The following MRPL3 variants were observed in gnomAD, a reference collection of about 807,000 sequenced individuals.
The protein encoded by MRPL3 is mitochondrial ribosomal protein L3.
In MRPL3, 43 loss-of-function variants were observed where a neutral mutation model predicts 44.3. That is an observed-to-expected ratio of 0.97 (90% confidence interval 0.76 to 1.25). MRPL3 has a LOEUF of 1.25. MRPL3 is among the 50% of genes most tolerant of loss of function. The probability of loss-of-function intolerance (pLI) is 0.00; values close to 1 mark genes in which losing one functional copy is unlikely to be tolerated. For missense variants in MRPL3, 406 were observed against 427.6 expected (o/e 0.95, Z 0.45); for synonymous variants, 171 against 152.3 (o/e 1.12, Z -0.91).
intron 6 of MRPL3, among the ~76,000 whole-genome samples, chr3:131,484,716 A>T (rs1014115204): frequency 6.6e-6 from 1 of 152,232 alleles, no homozygotes; most frequent in African/African-American, 2.4e-5. Flanking sequence ...CAGGAAATTC[A>T]AAACAGTTCC....
intron 6 of MRPL3, among the ~76,000 whole-genome samples, chr3:131,486,788 A>G (rs572121264): frequency 6.8e-4 from 103 of 152,354 alleles, no homozygotes; most frequent in African/African-American, 2.3e-3. Flanking sequence ...AATGGCAATC[A>G]TTAAAAAGGA....
At chr3:131,471,359 G>A (rs1933739984) in intron 6 of MRPL3, 80 bp from the exon 7 acceptor site, 13 of 916,434 alleles carry the variant, frequency 1.4e-5, no homozygotes, top group South Asian at 9.9e-5. Context: ...AGTACCAACT[G>A]TACACATTCT....
intron 4 of MRPL3, among the ~76,000 whole-genome samples, chr3:131,497,466 A>G (rs559660256): frequency 1.3e-5 from 2 of 152,162 alleles, no homozygotes; most frequent in South Asian, 4.1e-4. Flanking sequence ...CATTTCATAA[A>G]CAGTTTACAA....
intron 4 of MRPL3, among the ~76,000 whole-genome samples, chr3:131,492,230 TTTA>T (rs1934273415): frequency 6.6e-6 from 1 of 152,204 alleles, no homozygotes; most frequent in South Asian, 2.1e-4. Flanking sequence ...AGCATATTAT[TTTA>T]TTAATACCAG....
chr3:131,484,899 G>GCA (rs367658054), intron 6 of MRPL3, among the ~76,000 whole-genome samples: 106 of 152,240 alleles, frequency 7.0e-4, no homozygotes, highest in Non-Finnish European at 1.4e-3. Flanking sequence ...ATGAAGATAT[G>GCA]CACACACACA....
At chr3:131,469,031 T>C (rs1171574345) in intron 8 of MRPL3, among the ~76,000 whole-genome samples, 1 of 152,118 alleles carries the variant, frequency 6.6e-6, no homozygotes, top group Non-Finnish European at 1.5e-5. Flanking sequence ...AACAGAAATA[T>C]AATTATACAG....
chr3:131,502,118 G>C (rs1934513233), intron 1 of MRPL3, among the ~76,000 whole-genome samples: 1 of 152,138 alleles, frequency 6.6e-6, no homozygotes, highest in Non-Finnish European at 1.5e-5. Context: ...ACATGGCCTA[G>C]GTTCAGAGAA....
chr3:131,467,238 G>A (rs886776582), intron 9 of MRPL3, among the ~76,000 whole-genome samples: 24 of 133,912 alleles, frequency 1.8e-4, no homozygotes, highest in Middle Eastern at 3.9e-3. Context: ...AGCCATACGC[G>A]CGCACACACA....
At chr3:131,475,085 G>A (rs1003401797) in intron 6 of MRPL3, among the ~76,000 whole-genome samples, 2 of 152,030 alleles carry the variant, frequency 1.3e-5, no homozygotes, top group Non-Finnish European at 2.9e-5. Flanking sequence ...CCAGGCATGT[G>A]ACATATTTTT....
chr3:131,462,933 C>T, intron 9 of MRPL3, 58 bp from the exon 10 acceptor site: 1 of 1,435,618 alleles, frequency 7.0e-7, no homozygotes, highest in African/African-American at 1.4e-5. Context: ...GTAGACTTTT[C>T]AGCTATTATT....
At chr3:131,477,136 A>C (rs923144154) in intron 6 of MRPL3, among the ~76,000 whole-genome samples, 1 of 152,174 alleles carries the variant, frequency 6.6e-6, no homozygotes, top group Non-Finnish European at 1.5e-5. Context: ...TCCATCATGT[A>C]TTTCTTTACT....
At chr3:131,496,300 C>T (rs1052731383) in intron 4 of MRPL3, among the ~76,000 whole-genome samples, 14 of 152,188 alleles carry the variant, frequency 9.2e-5, no homozygotes, top group South Asian at 8.3e-4. Context: ...TCTCATTGTA[C>T]TCTATAATTA....
intron 3 of MRPL3, 118 bp downstream of exon 3, chr3:131,500,312 C>A: frequency 1.3e-6 from 1 of 753,134 alleles, no homozygotes; most frequent in Non-Finnish European, 2.2e-6. Flanking sequence ...TGTTCAACAT[C>A]ACCCCTTTCT....
In MRPL3 at chr3:131,487,694, A is replaced by G; in HGVS notation, c.615T>C (p.Asp205=). Residue 205 remains aspartate (D), a synonymous_variant, in exon 6 of 10, where the codon GAT becomes GAC. Transcript: ENST00000264995. The stretch of plus-strand genomic sequence containing the variant: ...TGAGGACCTACGTTTTGGCTGTGAC[A>G]TCCACATACTGTCCTGGACGAAAGT... The part of the protein sequence containing the change: ...AAHFRPGQYV[D]VTAKTIGKGF... The G allele has an allele frequency of 6.2e-7, 1 of 1,611,668 alleles. No individual in the cohort carries two copies. Among genetic ancestry groups the G allele is most frequent in the Non-Finnish European group, 8.5e-7 (1 of 1,179,314 alleles).
chr3:131,475,320 T>C (rs1244215549), intron 6 of MRPL3, among the ~76,000 whole-genome samples: 4 of 152,192 alleles, frequency 2.6e-5, no homozygotes, highest in Non-Finnish European at 4.4e-5. Context: ...AGAAAGCCTA[T>C]GTGAATAATA....
In MRPL3 at chr3:131,462,809, G is replaced by C; in HGVS notation, c.961C>G (p.Pro321Ala). The change falls in exon 10 of 10, where the codon CCT becomes GCT. Residue 321 changes from proline (P) to alanine (A), a missense_variant. Physicochemically the swap from Pro to Ala is conservative, Grantham distance 27. Transcript: ENST00000264995. ...GGCAGTTCCTCTTCATCTCCATCAG[G>C]AAAATATGTAGGGAATGGTAGATTT... ...GKNLPFPTYF[P>A]DGDEEELPED... 2 of 1,612,520 alleles carry C rather than the reference G, an allele frequency of 1.2e-6. No homozygotes were observed. The highest frequency in any genetic ancestry group is 1.7e-6 in the Non-Finnish European group (2 of 1,179,060).
At chr3:131,469,911 A>G (rs1040564451) in intron 7 of MRPL3, 138 bp from the exon 8 acceptor site, 5 of 562,404 alleles carry the variant, frequency 8.9e-6, no homozygotes, top group Non-Finnish European at 1.5e-5. Context: ...CCAAGTAAGG[A>G]ACTAAATATG....
At chr3:131,495,213 CT>C (rs1165958504) in intron 4 of MRPL3, among the ~76,000 whole-genome samples, 1 of 151,724 alleles carries the variant, frequency 6.6e-6, no homozygotes, top group Admixed American at 6.6e-5. Flanking sequence ...TTAAAAAATC[CT>C]CTATAATCAA....
At chr3:131,492,285 T>C (rs1405269984) in intron 4 of MRPL3, among the ~76,000 whole-genome samples, 2 of 152,202 alleles carry the variant, frequency 1.3e-5, no homozygotes, top group Non-Finnish European at 1.5e-5. Context: ...AAATCCTTTA[T>C]ATTTTTAGTA....
Sources: gnomAD v4.1 joint callset for allele counts (sites outside exome capture counted in the v4.1 genomes callset) on GRCh38, gnomAD v4.1.1 for gene constraint, MANE v1.5 for transcripts, NCBI Gene and HGNC (gene_info 2026-07-23, HGNC 2026-07-21) for gene names.